Variants in FHIT observed in about 807,000 individuals in gnomAD.
The protein encoded by FHIT is fragile histidine triad diadenosine triphosphatase.
A neutral mutation model predicts 17.9 loss-of-function variants in FHIT; 19 were observed. The observed-to-expected ratio is 1.06, with a 90% CI of 0.74 to 1.56. FHIT has a LOEUF of 1.56. Among genes scored for constraint, FHIT ranks in the 40% most tolerant of loss-of-function variants. FHIT has a pLI of 0.00. For missense variants in FHIT, 248 were observed against 189.2 expected (o/e 1.31, Z -1.82); for synonymous variants, 81 against 69.7 (o/e 1.16, Z -0.81).
At chr3:60,299,035 A>G (rs900906078) in intron 5 of FHIT, among the ~76,000 whole-genome samples, 5 of 152,114 alleles carry the variant, frequency 3.3e-5, no homozygotes, top group African/African-American at 1.2e-4. Context: ...CTTGCATGGA[A>G]AATGTTGTAA....
At chr3:60,117,800 A>G (rs34514881) in intron 5 of FHIT, among the ~76,000 whole-genome samples, 46,597 of 151,626 alleles carry the variant, frequency 0.31, 7,476 homozygotes, top group Non-Finnish European at 0.36. Flanking sequence ...CACCAGTGAA[A>G]AGGAAAAAAA....
intron 8 of FHIT, among the ~76,000 whole-genome samples, chr3:59,854,627 C>T (rs1006004396): frequency 6.6e-5 from 10 of 152,144 alleles, no homozygotes; most frequent in African/African-American, 2.4e-4. Context: ...TTAATCCTCA[C>T]AATTTTGTGA....
intron 5 of FHIT, among the ~76,000 whole-genome samples, chr3:60,156,660 G>A (rs551274070): frequency 1.3e-5 from 2 of 152,224 alleles, no homozygotes; most frequent in African/African-American, 4.8e-5. Flanking sequence ...GCTGAGGTGA[G>A]AGGATTACTT....
chr3:60,861,730 G>C (rs1703908139), intron 3 of FHIT, among the ~76,000 whole-genome samples: 1 of 151,828 alleles, frequency 6.6e-6, no homozygotes, highest in South Asian at 2.1e-4. Context: ...TTTAAGAAAA[G>C]GTAAGGGATC....
chr3:60,566,411 C>T (rs1178564847), intron 4 of FHIT, among the ~76,000 whole-genome samples: 1 of 152,138 alleles, frequency 6.6e-6, no homozygotes, highest in East Asian at 1.9e-4. Context: ...TTCAACAACG[C>T]TTCATGCTAA....
chr3:59,871,455 C>T (rs77713346), intron 8 of FHIT, among the ~76,000 whole-genome samples: 5 of 152,212 alleles, frequency 3.3e-5, no homozygotes, highest in South Asian at 2.1e-4. Context: ...CCCACCCCCC[C>T]ACACACGCAC....
intron 8 of FHIT, among the ~76,000 whole-genome samples, chr3:59,767,056 T>TTAAC (rs1399118338): frequency 6.6e-6 from 1 of 152,092 alleles, no homozygotes; most frequent in East Asian, 1.9e-4. Flanking sequence ...ACAACCCCGA[T>TTAAC]TAACTGTTCT....
At chr3:59,937,427 G>T (rs115380294) in intron 7 of FHIT, among the ~76,000 whole-genome samples, 2 of 152,160 alleles carry the variant, frequency 1.3e-5, no homozygotes, top group East Asian at 3.9e-4. Flanking sequence ...ACATGTCAGC[G>T]TGCTTTATTG....
chr3:61,169,634 T>G (rs2037939538), intron 2 of FHIT, among the ~76,000 whole-genome samples: 1 of 152,204 alleles, frequency 6.6e-6, no homozygotes, highest in Non-Finnish European at 1.5e-5. Flanking sequence ...AGAAGTGAAC[T>G]TCTTTGTTCC....
intron 7 of FHIT, among the ~76,000 whole-genome samples, chr3:60,009,189 G>C (rs1309957310): frequency 1.5e-4 from 22 of 145,274 alleles, no homozygotes; most frequent in African/African-American, 5.5e-4. Flanking sequence ...GTGTGTGTGT[G>C]TGTGTGTGTG....
At chr3:60,068,568 G>C (rs536269968) in intron 5 of FHIT, among the ~76,000 whole-genome samples, 4 of 152,158 alleles carry the variant, frequency 2.6e-5, no homozygotes, top group Middle Eastern at 3.2e-3. Context: ...CCCCACCCAA[G>C]GGGTATCCTA....
At chr3:60,228,721 A>G (rs143699248) in intron 5 of FHIT, among the ~76,000 whole-genome samples, 2,701 of 152,220 alleles carry the variant, frequency 0.018, 85 homozygotes, top group African/African-American at 0.061. Context: ...TTCTTACGAG[A>G]CCCTTGAATA....
At chr3:59,772,516 T>G (rs1355384666) in intron 8 of FHIT, among the ~76,000 whole-genome samples, 1 of 152,130 alleles carries the variant, frequency 6.6e-6, no homozygotes. Flanking sequence ...ATTTCAGACA[T>G]GAGGAAGCTG....
chr3:60,765,233 G>GA (rs1699809220), intron 4 of FHIT, among the ~76,000 whole-genome samples: 2 of 152,310 alleles, frequency 1.3e-5, no homozygotes, highest in South Asian at 4.1e-4. Flanking sequence ...ATGTTACCTT[G>GA]AAAATCATGA....
At chr3:60,019,432 T>TTTTTTTTTTTTTTTTTTTTTTC (rs1700469953) in intron 5 of FHIT, among the ~76,000 whole-genome samples, 1 of 149,458 alleles carries the variant, frequency 6.7e-6, no homozygotes, top group Non-Finnish European at 1.5e-5. Flanking sequence ...TTTTTTTTTT[T>TTTTTTTTTTTTTTTTTTTTTTC]CCTGAGATGG....
rs1380742939 is a variant in FHIT, at chr3:59,870,505, A to G, written c.348+51841T>C. ...AAGGTATCTCATAAGGACAAGAACT[A>G]ATCCATCCCACTCCTACTGGGCTGG... On this transcript the variant is annotated intron_variant, in intron 8 of 9. Transcript: ENST00000492590. Among the ~76,000 whole-genome samples, 3 of 152,210 alleles carry G rather than the reference A, an allele frequency of 2.0e-5. No homozygotes were observed. In the East Asian group the frequency reaches 5.8e-4, roughly 29 times the overall value.
chr3:60,359,353 T>C (rs1699806535), intron 5 of FHIT, among the ~76,000 whole-genome samples: 1 of 144,726 alleles, frequency 6.9e-6, no homozygotes, highest in Non-Finnish European at 1.5e-5. Flanking sequence ...TGATCTTGGC[T>C]CAATGCAACC....
At chr3:61,063,026 G>A (rs548890073) in intron 2 of FHIT, among the ~76,000 whole-genome samples, 5 of 152,090 alleles carry the variant, frequency 3.3e-5, no homozygotes, top group South Asian at 2.1e-4. Context: ...TTGGGAGTCC[G>A]AGGTGGGTGG....
intron 4 of FHIT, among the ~76,000 whole-genome samples, chr3:60,665,996 G>A (rs1264468270): frequency 2.0e-5 from 3 of 152,036 alleles, no homozygotes; most frequent in African/African-American, 7.2e-5. Context: ...ACTTGTTACA[G>A]GCTACATTAT....
Sources: allele counts gnomAD v4.1 joint callset (sites outside exome capture counted in the v4.1 genomes callset), GRCh38; gene constraint gnomAD v4.1.1; transcripts MANE v1.5; gene names NCBI Gene and HGNC (gene_info 2026-07-23, HGNC 2026-07-21).